The following TAF2 variants were observed in gnomAD, a reference collection of about 807,000 sequenced individuals.
TAF2 encodes TATA-box binding protein associated factor 2, also known as transcription initiation factor TFIID subunit 2.
A neutral mutation model predicts 138.5 loss-of-function variants in TAF2; 61 were observed. The ratio of observed to expected loss-of-function variants is 0.44; its 90% CI spans 0.36 to 0.54. The LOEUF is 0.54. Among genes scored for constraint, TAF2 ranks in the 20% least tolerant of loss-of-function variants. The pLI, the probability that TAF2 is intolerant of heterozygous loss-of-function variation, is 0.00. For synonymous variants in TAF2, 475 were observed against 469.9 expected, an observed-to-expected ratio of 1.01 and a Z score of -0.14; for missense variants, 1,090 against 1,427.9, an observed-to-expected ratio of 0.76 and a Z score of 3.81.
chr8:119,819,297 A>AT (rs1260633063), intron 3 of TAF2, 49 bp downstream of exon 3: 3 of 1,587,376 alleles, frequency 1.9e-6, no homozygotes, highest in African/African-American at 2.7e-5. Flanking sequence ...CATTAAAAAC[A>AT]TTTTTTCAAA....
intron 14 of TAF2, among the ~76,000 whole-genome samples, chr8:119,786,808 G>C (rs1243128310): frequency 6.6e-6 from 1 of 152,128 alleles, no homozygotes; most frequent in African/African-American, 2.4e-5. Context: ...TGTAATCCCT[G>C]CTACTCAGAA....
intron 22 of TAF2, among the ~76,000 whole-genome samples, chr8:119,752,530 T>C (rs1392054297): frequency 6.6e-6 from 1 of 152,066 alleles, no homozygotes; most frequent in Non-Finnish European, 1.5e-5. Context: ...AGCTCCAAAT[T>C]CCCCTAGCAT....
chr8:119,793,639 A>G (rs1823601334), intron 9 of TAF2, among the ~76,000 whole-genome samples, 188 bp from the exon 10 acceptor site: 1 of 152,358 alleles, frequency 6.6e-6, no homozygotes, highest in Admixed American at 6.5e-5. Flanking sequence ...CAGCTGGCAG[A>G]ATGACAAAAG....
intron 10 of TAF2, 61 bp from the exon 11 acceptor site, chr8:119,791,520 T>G (rs981016815): frequency 5.0e-5 from 78 of 1,553,246 alleles, no homozygotes; most frequent in Middle Eastern, 1.9e-4. Context: ...AAAAAATAAA[T>G]TTCATGACCA....
chr8:119,762,449 G>C lies in TAF2; in HGVS notation c.2524C>G (p.Leu842Val). 6.2e-7 allele frequency: 1 copy of C among 1,613,968 alleles called. No homozygotes were observed. Among genetic ancestry groups the C allele is most frequent in the Non-Finnish European group, 8.5e-7 (1 of 1,179,920 alleles). ...EITRFLNMEK[L>V]LPSYRHTITV... is the part of the protein sequence containing the mutation. ...ATGGTATGCCTGTAACTCGGAAGAA[G>C]TTTTTCCATATTCAAAAATCTGGTG... Residue 842 changes from leucine to valine, a missense_variant, in exon 19 of 26, where the codon CTT becomes GTT. Transcript: ENST00000378164.
At chr8:119,806,473 T>A in intron 3 of TAF2, 72 bp from the exon 4 acceptor site, 9 of 514,424 alleles carry the variant, frequency 1.7e-5, no homozygotes, top group East Asian at 4.7e-5. Context: ...TTCTTTCTTT[T>A]TTTTTTTTTT....
At chr8:119,734,249 G>T (rs1266316825) in intron 25 of TAF2, among the ~76,000 whole-genome samples, 1 of 152,096 alleles carries the variant, frequency 6.6e-6, no homozygotes, top group Non-Finnish European at 1.5e-5. Context: ...GGACTTCAGT[G>T]AAGGAATTTC....
chr8:119,819,321 G>A lies in TAF2; in HGVS notation c.299+25C>T. 4 of 1,606,658 alleles carry A rather than the reference G, an allele frequency of 2.5e-6. No homozygotes were observed. The African/African-American group carries it at 4.0e-5, about 16-fold the overall frequency. ...CATTTTTTCAAAACTGTTAAAAATA[G>A]TGACTTTTAAAGTGCATAACTTACT... is the stretch of plus-strand genomic sequence containing the variant. On this transcript the variant is annotated intron_variant, in intron 3 of 25. Coordinates refer to ENST00000378164, the MANE Select transcript of TAF2 (RefSeq NM_003184.4).
At chr8:119,736,915 G>A (rs960265789) in intron 25 of TAF2, among the ~76,000 whole-genome samples, 1 of 152,080 alleles carries the variant, frequency 6.6e-6, no homozygotes, top group African/African-American at 2.4e-5. Flanking sequence ...ATAAAATACA[G>A]ACTTGAAAAG....
At chr8:119,732,590 G>A (rs938046498) in intron 25 of TAF2, among the ~76,000 whole-genome samples, 1 of 152,118 alleles carries the variant, frequency 6.6e-6, no homozygotes, top group East Asian at 1.9e-4. Context: ...GATCACTTGA[G>A]GTCAGGAGTT....
intron 5 of TAF2, 69 bp downstream of exon 5, chr8:119,803,809 T>C: frequency 1.4e-6 from 2 of 1,398,900 alleles, no homozygotes; most frequent in South Asian, 2.5e-5. Flanking sequence ...ACACCAAATG[T>C]ATGTCTTGCT....
chr8:119,743,078 A>T (rs1295340410), intron 24 of TAF2, among the ~76,000 whole-genome samples: 2 of 151,910 alleles, frequency 1.3e-5, no homozygotes, highest in Non-Finnish European at 2.9e-5. Flanking sequence ...TAAAAAAAAA[A>T]TTTAAAAAAA....
intron 25 of TAF2, 97 bp from the exon 26 acceptor site, chr8:119,732,283 C>T: frequency 8.6e-7 from 1 of 1,167,600 alleles, no homozygotes; most frequent in Non-Finnish European, 1.3e-6. Flanking sequence ...AAGAGGGATT[C>T]CTAAGTTTTT....
At chr8:119,796,671 T>C (rs1424828670) in intron 8 of TAF2, among the ~76,000 whole-genome samples, 1 of 152,120 alleles carries the variant, frequency 6.6e-6, no homozygotes, top group Non-Finnish European at 1.5e-5. Flanking sequence ...TCTTACCTTA[T>C]AAACTGCAGA....
chr8:119,754,159 AT>A (rs1477627048), intron 22 of TAF2, among the ~76,000 whole-genome samples: 1 of 152,182 alleles, frequency 6.6e-6, no homozygotes, highest in Non-Finnish European at 1.5e-5. Context: ...TTTCACATAA[AT>A]ACCTACTATG....
At chr8:119,796,850 T>C in intron 8 of TAF2, 140 bp downstream of exon 8, 1 of 613,258 alleles carries the variant, frequency 1.6e-6, no homozygotes. Context: ...CTTATAATCA[T>C]TTTTCTTTAA....
intron 2 of TAF2, among the ~76,000 whole-genome samples, chr8:119,825,182 T>C (rs1017498647): frequency 2.6e-5 from 4 of 152,244 alleles, no homozygotes; most frequent in Non-Finnish European, 5.9e-5. Flanking sequence ...CAGCATGACC[T>C]GGATGTGACA....
rs374363023 is a variant in TAF2, at chr8:119,800,415, T to G, written c.792+1379A>C. On this transcript the variant is annotated intron_variant, in intron 6 of 25. Transcript: ENST00000378164. ...TTAAATAGGGAATCCTTTCCCCATTTCTTGTTTTTATCAGGTTTGTCAAAG... is the reference window on the plus strand; with the variant it reads ...TTAAATAGGGAATCCTTTCCCCATTGCTTGTTTTTATCAGGTTTGTCAAAG... Among the ~76,000 whole-genome samples the G allele has an allele frequency of 1.2e-3, 180 of 152,282 alleles. 1 individual carries two copies. The highest frequency in any genetic ancestry group is 3.5e-3 in the African/African-American group (145 of 41,552).
At chr8:119,740,019 T>C (rs568750799) in intron 25 of TAF2, among the ~76,000 whole-genome samples, 1 of 152,090 alleles carries the variant, frequency 6.6e-6, no homozygotes, top group Non-Finnish European at 1.5e-5. Context: ...ATCTCTAATC[T>C]AGAATCCCTA....
Sources: gnomAD v4.1 joint callset for allele counts (sites outside exome capture counted in the v4.1 genomes callset) on GRCh38, gnomAD v4.1.1 for gene constraint, MANE v1.5 for transcripts, NCBI Gene and HGNC (gene_info 2026-07-23, HGNC 2026-07-21) for gene names.